SLC28A3: variants seen among roughly 807,000 people sequenced by gnomAD.
SLC28A3 encodes the protein solute carrier family 28 member 3, also known as concentrative Na(+)-nucleoside cotransporter 3.
Under a neutral mutation model 84.2 loss-of-function variants are expected in SLC28A3, and 68 were observed. The observed-to-expected ratio is 0.81, with a 90% CI of 0.66 to 0.99. SLC28A3 has a LOEUF of 0.99. Ranked by LOEUF, SLC28A3 falls within the 50% of genes least tolerant of loss-of-function variation. SLC28A3 has a pLI of 0.00. For synonymous variants in SLC28A3, 267 were observed against 303.6 expected, an observed-to-expected ratio of 0.88 and a Z score of 1.25; for missense variants, 712 against 841.5, an observed-to-expected ratio of 0.85 and a Z score of 1.90.
chr9:84,286,445 C>CTTTTTTTT (rs71498094), intron 12 of SLC28A3, among the ~76,000 whole-genome samples: 11 of 87,680 alleles, frequency 1.3e-4, no homozygotes, highest in East Asian at 3.6e-4. Context: ...CCATGCTTGG[C>CTTTTTTTT]TTTTTTTTTT....
chr9:84,343,238 A>T (rs1344088761), upstream of SLC28A3, among the ~76,000 whole-genome samples: 1 of 152,082 alleles, frequency 6.6e-6, no homozygotes, highest in African/African-American at 2.4e-5. Context: ...CCCCGGGCAC[A>T]GGGTTGAGTG....
intron 3 of SLC28A3, among the ~76,000 whole-genome samples, chr9:84,306,328 G>T (rs1305259671): frequency 1.3e-5 from 2 of 152,108 alleles, no homozygotes; most frequent in Non-Finnish European, 2.9e-5. Context: ...ACTCCCCTTG[G>T]CCAGTGCCTC....
intron 1 of SLC28A3, among the ~76,000 whole-genome samples, chr9:84,324,415 A>G (rs902585346): frequency 2.6e-5 from 4 of 152,146 alleles, no homozygotes; most frequent in Non-Finnish European, 5.9e-5. Context: ...GGGCTAAGGT[A>G]GGTGGATTGC....
At chr9:84,285,317 G>A (rs1242391200) in intron 14 of SLC28A3, 28 bp downstream of exon 14, 17 of 1,602,574 alleles carry the variant, frequency 1.1e-5, no homozygotes, top group Non-Finnish European at 1.5e-5. Context: ...ATGAAGAAAT[G>A]TACTGAGAAA....
intron 4 of SLC28A3, 34 bp downstream of exon 4, chr9:84,305,216 AAAAG>A: frequency 6.6e-7 from 1 of 1,516,338 alleles, no homozygotes; most frequent in Non-Finnish European, 8.9e-7. Context: ...AAAAAAAAAA[AAAAG>A]ACAGTGGTAT....
chr9:84,365,554 A>G, the SLC28A3 span, among the ~76,000 whole-genome samples: 5 of 151,978 alleles, frequency 3.3e-5, no homozygotes, highest in African/African-American at 1.2e-4. Flanking sequence ...CTTGTGGGGT[A>G]TTTCTCAAGA....
intron 1 of SLC28A3, among the ~76,000 whole-genome samples, chr9:84,329,799 T>C (rs374792566): frequency 5.3e-5 from 8 of 152,190 alleles, no homozygotes; most frequent in African/African-American, 1.9e-4. Flanking sequence ...CTTGGAAGGC[T>C]GGGGTGGGTG....
chr9:84,328,919 C>T lies in SLC28A3; in HGVS notation c.60+11655G>A, dbSNP rs544598398. ...CTCCAGCCTGGGTGACAGAATGAGA[C>T]CCTATCTCCAACAAACAAACAAACC... On this transcript the variant is annotated intron_variant, in intron 1 of 17. Transcript: ENST00000376238. 2.0e-5 allele frequency among the ~76,000 whole-genome samples: 3 copies of T among 152,190 alleles called. No individual in the cohort carries two copies. The East Asian group carries it at 5.8e-4, about 29-fold the overall frequency.
the SLC28A3 span, among the ~76,000 whole-genome samples, chr9:84,366,492 G>A: frequency 2.6e-5 from 4 of 152,128 alleles, no homozygotes; most frequent in Admixed American, 2.0e-4. Flanking sequence ...AGTGTTTATT[G>A]TAGTCTTCAC....
intron 5 of SLC28A3, among the ~76,000 whole-genome samples, chr9:84,300,320 G>A (rs1825578998): frequency 6.6e-6 from 1 of 152,166 alleles, no homozygotes; most frequent in Admixed American, 6.5e-5. Flanking sequence ...AGGAATGTCT[G>A]GTGATTTCTT....
At chr9:84,316,577 A>C (rs1333143583) in intron 1 of SLC28A3, among the ~76,000 whole-genome samples, 2 of 152,246 alleles carry the variant, frequency 1.3e-5, no homozygotes, top group African/African-American at 2.4e-5. Context: ...AGCCTTGAGC[A>C]GGAGGCTCAC....
At chr9:84,334,464 C>T (rs535588623) in intron 1 of SLC28A3, among the ~76,000 whole-genome samples, 4 of 152,040 alleles carry the variant, frequency 2.6e-5, no homozygotes, top group Non-Finnish European at 5.9e-5. Context: ...CAGTAGTCAC[C>T]CCTGGTTGGG....
chr9:84,284,085 C>A (rs1824878912), intron 14 of SLC28A3, among the ~76,000 whole-genome samples: 1 of 152,292 alleles, frequency 6.6e-6, no homozygotes, highest in East Asian at 1.9e-4. Flanking sequence ...CACAAAATTG[C>A]TTCGTGCTGC....
At chr9:84,292,455 G>GTCTC (rs1588572991) in intron 10 of SLC28A3, 10 of 489,254 alleles carry the variant, frequency 2.0e-5, no homozygotes, top group East Asian at 7.0e-5. Flanking sequence ...GTGTCTCTCT[G>GTCTC]TCTCTCTGTC....
intron 1 of SLC28A3, among the ~76,000 whole-genome samples, chr9:84,314,063 C>T (rs60676582): frequency 0.054 from 8,284 of 152,090 alleles, 759 homozygotes; most frequent in African/African-American, 0.19. Flanking sequence ...TCACATCACA[C>T]TGATTTTCAA....
upstream of SLC28A3, among the ~76,000 whole-genome samples, chr9:84,340,836 C>T (rs1028084642): frequency 1.3e-5 from 2 of 151,942 alleles, no homozygotes; most frequent in Non-Finnish European, 2.9e-5. Flanking sequence ...GGCGGGTTGG[C>T]GGGGTGGAGG....
chr9:84,337,793 G>GA (rs906263323), intron 1 of SLC28A3, among the ~76,000 whole-genome samples: 93 of 147,224 alleles, frequency 6.3e-4, no homozygotes, highest in African/African-American at 1.9e-3. Context: ...AATGAGATTA[G>GA]AAAAAAAAAA....
chr9:84,323,746 C>T (rs1826458345), intron 1 of SLC28A3, among the ~76,000 whole-genome samples: 1 of 151,918 alleles, frequency 6.6e-6, no homozygotes, highest in South Asian at 2.1e-4. Context: ...CTGTGCCCCA[C>T]CCCAGTACTT....
Position 84,293,249 on chromosome 9 carries a change from T to C in SLC28A3, c.943-501A>G, listed in dbSNP as rs569520373. Among the ~76,000 whole-genome samples, 80 of 152,338 alleles carry C rather than the reference T, an allele frequency of 5.3e-4. 2 individuals carry two copies. Among genetic ancestry groups the C allele is most frequent in the African/African-American group, 1.9e-3 (80 of 41,570 alleles). On this transcript the variant is annotated intron_variant, in intron 9 of 17. Coordinates refer to ENST00000376238, the MANE Select transcript of SLC28A3 (RefSeq NM_001199633.2). ...GTATTTGAGGTTTGGTCTTTTTTAC[T>C]TAATTGAAATGAACGTGGTTTTTGG...
Sources: allele counts gnomAD v4.1 joint callset (sites outside exome capture counted in the v4.1 genomes callset), GRCh38; gene constraint gnomAD v4.1.1; transcripts MANE v1.5; gene names NCBI Gene and HGNC (gene_info 2026-07-23, HGNC 2026-07-21).